Variants in HIF1A observed in about 807,000 individuals in gnomAD.
HIF1A encodes the protein hypoxia-inducible factor 1-alpha.
HIF1A carries 24 observed loss-of-function variants against 92.7 expected under a neutral mutation model. That is an observed-to-expected ratio of 0.26 (90% CI 0.19 to 0.36). The LOEUF (loss-of-function observed/expected upper bound fraction) is 0.36, where lower values mean the gene tolerates loss of function less well. Among genes scored for constraint, HIF1A ranks in the 10% least tolerant of loss-of-function variants. The pLI, the probability that HIF1A is intolerant of heterozygous loss-of-function variation, is 1.00. For synonymous variants in HIF1A, 319 were observed against 338.7 expected, an observed-to-expected ratio of 0.94 and a Z score of 0.64; for missense variants, 799 against 998.5, an observed-to-expected ratio of 0.80 and a Z score of 2.69.
At chr14:61,735,691 A>C (rs2044626871) in intron 8 of HIF1A, among the ~76,000 whole-genome samples, 1 of 152,258 alleles carries the variant, frequency 6.6e-6, no homozygotes, top group Non-Finnish European at 1.5e-5. Context: ...CCAAACGTGA[A>C]GATAAACTAT....
chr14:61,708,619 A>AT (rs71117847), intron 1 of HIF1A, among the ~76,000 whole-genome samples: 91,056 of 151,578 alleles, frequency 0.6, 32,524 homozygotes, highest in Non-Finnish European at 0.77. Context: ...GTTGTAGATA[A>AT]GCGGCATTAT....
chr14:61,726,502 T>G (rs2044506321), intron 4 of HIF1A: 1 of 370,306 alleles, frequency 2.7e-6, no homozygotes, highest in Admixed American at 4.8e-5. Flanking sequence ...TTCAGCCAAC[T>G]CAGGGAATCA....
At position 61,699,071 on chromosome 14, in the gene HIF1A, C is replaced by A. The variant is rs551911673; in HGVS notation, c.35+3232C>A. ...AGCAGCTACGTGGTAGAAAAACTGT[C>A]CTTTGCTTATGAGTTTCTCCAGAGT... On this transcript the variant is annotated intron_variant, in intron 1 of 14. Transcript: ENST00000337138. The A allele has an allele frequency of 2.6e-5, 4 of 152,236 alleles. No homozygotes were observed. The South Asian group carries it at 8.3e-4, about 32-fold the overall frequency. 9.4% of individuals were successfully genotyped at this position (152,236 alleles called of 1,614,324 possible). A position where few individuals can be genotyped will look rare whatever the true frequency, so the allele number is the denominator to read the frequency against.
chr14:61,739,553 ATCC>A, intron 10 of HIF1A, among the ~76,000 whole-genome samples: 1 of 152,152 alleles, frequency 6.6e-6, no homozygotes, highest in Non-Finnish European at 1.5e-5. Flanking sequence ...ATGAATATAT[ATCC>A]TATGCTCTGG....
chr14:61,738,051 C>A (rs2140153681), intron 9 of HIF1A, 36 bp from the exon 10 acceptor site: 1 of 1,481,890 alleles, frequency 6.7e-7, no homozygotes, highest in Non-Finnish European at 9.1e-7. Flanking sequence ...AAAAATCCTT[C>A]TATACTTTAG....
At position 61,727,432 on chromosome 14, in the gene HIF1A, T is replaced by G. The variant is rs746135469; in HGVS notation, c.571-21T>G. The G allele has an allele frequency of 4.5e-6, 7 of 1,566,960 alleles. No homozygotes were observed. In the South Asian group the frequency reaches 6.7e-5, roughly 15 times the overall value. ...TAGCATTGTAAATATTTTTTTTAACTGCTTTGTTCTTCATACACAGGTATT... is the reference window on the plus strand; with the variant it reads ...TAGCATTGTAAATATTTTTTTTAACGGCTTTGTTCTTCATACACAGGTATT... On this transcript the variant is annotated intron_variant, in intron 5 of 14. Transcript: ENST00000337138.
chr14:61,733,807 A>G (rs890738655), intron 7 of HIF1A, among the ~76,000 whole-genome samples: 1 of 152,160 alleles, frequency 6.6e-6, no homozygotes, highest in Admixed American at 6.6e-5. Flanking sequence ...TTGTGGCACC[A>G]TTTTCTTGAA....
intron 7 of HIF1A, 119 bp downstream of exon 7, chr14:61,732,643 C>G (rs2044590552): frequency 1.7e-6 from 1 of 605,108 alleles, no homozygotes; most frequent in Admixed American, 2.6e-5. Flanking sequence ...TGTTAACAGG[C>G]CTATTCAGTA....
chr14:61,747,084 G>A lies in HIF1A; in HGVS notation c.2480G>A (p.Ter827=), dbSNP rs770333662. The change falls in exon 15 of 15, where the codon TGA becomes TAA. Residue 827 remains the stop codon, a stop_retained_variant. Coordinates refer to ENST00000337138, the MANE Select transcript of HIF1A (RefSeq NM_001530.4). ...CTCAGAGCTTTGGATCAAGTTAACT[G>A]AGCTTTTTCTTAATTTCATTCCTTT... ...ELLRALDQVN[*] is the part of the protein sequence containing the mutation. 33 of 1,600,314 alleles carry A rather than the reference G, an allele frequency of 2.1e-5. No individual in the cohort carries two copies. The African/African-American group carries it at 3.4e-4, about 16-fold the overall frequency.
chr14:61,741,214 T>C (rs551823305), intron 12 of HIF1A, 26 bp downstream of exon 12: 104 of 1,451,504 alleles, frequency 7.2e-5, no homozygotes, highest in East Asian at 9.1e-5. Flanking sequence ...ATTCAAGTTA[T>C]AGTTCTTTTA....
At chr14:61,721,698 A>AT (rs764367641) in intron 3 of HIF1A, 41 bp from the exon 4 acceptor site, 13 of 1,610,660 alleles carry the variant, frequency 8.1e-6, no homozygotes, top group Non-Finnish European at 1.1e-5. Flanking sequence ...TGTTTTTATG[A>AT]TTTTATGATC....
intron 14 of HIF1A, among the ~76,000 whole-genome samples, chr14:61,746,224 CAA>C (rs912286333): frequency 3.9e-4 from 27 of 69,436 alleles, no homozygotes; most frequent in Admixed American, 4.9e-4. Flanking sequence ...GACTCTGCCT[CAA>C]AAAAAAAAAA....
chr14:61,722,313 A>G (rs2044442246), intron 4 of HIF1A, among the ~76,000 whole-genome samples: 1 of 152,142 alleles, frequency 6.6e-6, no homozygotes, highest in Non-Finnish European at 1.5e-5. Context: ...GTCTTGAACT[A>G]CTGGGCTTAA....
In HIF1A at chr14:61,701,891, G is replaced by A. The variant is rs191888128; in HGVS notation, c.35+6052G>A. On this transcript the variant is annotated intron_variant, in intron 1 of 14. Transcript: ENST00000337138. ...TAATCCCAGCTACTTAGGAGGCTGA[G>A]GCAGGAGAATTGCTTGAACCTGGGA... Among the ~76,000 whole-genome samples the A allele has an allele frequency of 8.9e-3, 1,359 of 152,232 alleles. 15 individuals are homozygous for A. The highest frequency in any genetic ancestry group is 0.03 in the African/African-American group (1,256 of 41,532).
intron 9 of HIF1A, 34 bp downstream of exon 9, chr14:61,737,143 T>C: frequency 6.9e-7 from 1 of 1,456,564 alleles, no homozygotes; most frequent in South Asian, 1.2e-5. Flanking sequence ...CCCTAAATTG[T>C]GTCTGTTGCT....
intron 1 of HIF1A, among the ~76,000 whole-genome samples, chr14:61,702,637 C>T (rs920537532): frequency 2.0e-5 from 3 of 151,944 alleles, no homozygotes; most frequent in Non-Finnish European, 4.4e-5. Flanking sequence ...ATTCTCTTTG[C>T]TTTATAATAG....
intron 6 of HIF1A, among the ~76,000 whole-genome samples, chr14:61,731,518 AAAACT>A (rs2044575533): frequency 6.6e-6 from 1 of 152,358 alleles, no homozygotes; most frequent in Non-Finnish European, 1.5e-5. Context: ...TGTAATGCCA[AAAACT>A]AAACTAAGTA....
At chr14:61,709,984 T>C (rs2044287720) in intron 1 of HIF1A, among the ~76,000 whole-genome samples, 1 of 152,174 alleles carries the variant, frequency 6.6e-6, no homozygotes, top group Non-Finnish European at 1.5e-5. Context: ...AACTAGTTAA[T>C]ATTTGTAAAC....
chr14:61,726,823 G>A lies in HIF1A; in HGVS notation c.570+5G>A, dbSNP rs528594533. The A allele has an allele frequency of 1.1e-5, 16 of 1,502,870 alleles. No individual in the cohort carries two copies. The East Asian group carries it at 3.6e-4, about 34-fold the overall frequency. The allele number at this position is 1,502,870 out of a possible 1,614,324, so 93.1% of individuals were successfully genotyped here. On this transcript the variant is annotated splice_donor_5th_base_variant and intron_variant, in intron 5 of 14. Transcript: ENST00000337138. ...ATAAAGTCTGCAACATGGAAGGTAA[G>A]TGAAAATTATTTGTGATTGATTATA...
Sources: gnomAD v4.1 joint callset for allele counts (sites outside exome capture counted in the v4.1 genomes callset) on GRCh38, gnomAD v4.1.1 for gene constraint, MANE v1.5 for transcripts, NCBI Gene and HGNC (gene_info 2026-07-23, HGNC 2026-07-21) for gene names.